TTC34: variants seen among roughly 807,000 people sequenced by gnomAD.
TTC34 encodes tetratricopeptide repeat domain 34, also known as tetratricopeptide repeat protein 34.
Under a neutral mutation model 40.7 loss-of-function variants are expected in TTC34, and 44 were observed. The ratio of observed to expected loss-of-function variants is 1.08; its 90% CI spans 0.85 to 1.39. The LOEUF is 1.39. TTC34 is among the 40% of genes most tolerant of loss of function. The pLI is 0.00. For synonymous variants in TTC34, 422 were observed against 398.6 expected, an observed-to-expected ratio of 1.06 and a Z score of -0.70; for missense variants, 884 against 838.0, an observed-to-expected ratio of 1.05 and a Z score of -0.68.
intron 6 of TTC34, among the ~76,000 whole-genome samples, chr1:2,655,770 C>CT (rs1639322657): frequency 6.8e-6 from 1 of 147,482 alleles, no homozygotes; most frequent in African/African-American, 2.4e-5. Context: ...GAACGGCACC[C>CT]ACACACCCAG....
At chr1:2,648,881 A>C (rs578202350) in intron 6 of TTC34, among the ~76,000 whole-genome samples, 1 of 129,666 alleles carries the variant, frequency 7.7e-6, no homozygotes, top group Non-Finnish European at 1.6e-5. Flanking sequence ...AACCCTACAC[A>C]CCCAGCTGAG....
At chr1:2,686,122 CG>C (rs1640332495) in intron 6 of TTC34, among the ~76,000 whole-genome samples, 1 of 133,274 alleles carries the variant, frequency 7.5e-6, no homozygotes, top group Non-Finnish European at 1.6e-5. Context: ...CACCCACACC[CG>C]CAGGTGAGCA....
chr1:2,765,735 A>T (rs1466132766), intron 6 of TTC34, among the ~76,000 whole-genome samples: 5 of 48,636 alleles, frequency 1.0e-4, no homozygotes, highest in Admixed American at 2.2e-4. Flanking sequence ...AGCATCTGAC[A>T]GCCTGGAGCA....
chr1:2,687,219 C>G (rs1171116686), intron 6 of TTC34, among the ~76,000 whole-genome samples: 3 of 137,446 alleles, frequency 2.2e-5, no homozygotes, highest in Admixed American at 2.1e-4. Flanking sequence ...CGGCGAGCAT[C>G]CGACAGCCTG....
chr1:2,788,332 T>C (rs1643619097), intron 3 of TTC34, among the ~76,000 whole-genome samples: 1 of 151,616 alleles, frequency 6.6e-6, no homozygotes, highest in Non-Finnish European at 1.5e-5. Context: ...ATGTGTGTTA[T>C]GTACATGTGT....
chr1:2,688,752 G>A (rs576046310), intron 6 of TTC34, among the ~76,000 whole-genome samples: 11 of 111,540 alleles, frequency 9.9e-5, no homozygotes, highest in South Asian at 3.0e-4. Flanking sequence ...GGATCTGACC[G>A]CCTGGAACAG....
chr1:2,760,209 C>G (rs1438424524), intron 6 of TTC34, among the ~76,000 whole-genome samples: 1 of 99,690 alleles, frequency 1.0e-5, no homozygotes, highest in Non-Finnish European at 1.9e-5. Context: ...TACCCCAAGG[C>G]GAGCATCTGA....
At chr1:2,760,354 CA>C (rs2100460425) in intron 6 of TTC34, among the ~76,000 whole-genome samples, 2 of 42,558 alleles carry the variant, frequency 4.7e-5, no homozygotes, top group Admixed American at 2.3e-4. Context: ...CCTGGAACAG[CA>C]CCCCACACCC....
At chr1:2,753,938 A>C (rs1194596650) in intron 6 of TTC34, among the ~76,000 whole-genome samples, 27 of 19,224 alleles carry the variant, frequency 1.4e-3, no homozygotes, top group African/African-American at 3.3e-3. Context: ...GCACCCACAG[A>C]CCAAGGTGAG....
intron 6 of TTC34, among the ~76,000 whole-genome samples, chr1:2,684,142 A>T: frequency 6.6e-6 from 1 of 152,360 alleles, no homozygotes; most frequent in African/African-American, 2.4e-5. Context: ...GACAGACTGG[A>T]ACAGCAACCA....
intron 6 of TTC34, among the ~76,000 whole-genome samples, chr1:2,677,008 ACTC>A (rs1639929859): frequency 2.5e-5 from 1 of 39,396 alleles, no homozygotes; most frequent in South Asian, 7.7e-4. Context: ...AGCACCCACC[ACTC>A]CCAGGCCAGC....
At chr1:2,761,034 G>GA (rs1228012380) in intron 6 of TTC34, among the ~76,000 whole-genome samples, 1 of 72,850 alleles carries the variant, frequency 1.4e-5, no homozygotes, top group Non-Finnish European at 2.4e-5. Context: ...ACCTGGAGCA[G>GA]CACCCACAGT....
At chr1:2,686,479 ATG>A (rs1640354356) in intron 6 of TTC34, among the ~76,000 whole-genome samples, 1 of 104,478 alleles carries the variant, frequency 9.6e-6, no homozygotes, top group African/African-American at 4.7e-5. Context: ...CAGCACCCAC[ATG>A]CCCAGCTGAG....
intron 6 of TTC34, among the ~76,000 whole-genome samples, chr1:2,749,019 A>T (rs1641233228): frequency 2.6e-4 from 39 of 148,108 alleles, no homozygotes; most frequent in African/African-American, 9.9e-4. Flanking sequence ...TGAGCATCTG[A>T]CAGCCTGGAA....
chr1:2,751,670 C>G (rs1368059713), intron 6 of TTC34, among the ~76,000 whole-genome samples: 117 of 81,098 alleles, frequency 1.4e-3, no homozygotes, highest in Non-Finnish European at 2.4e-3. Flanking sequence ...ATTGGACAGC[C>G]TGGATCAGCA....
chr1:2,690,413 C>A (rs1640564223), intron 6 of TTC34, among the ~76,000 whole-genome samples: 3 of 147,964 alleles, frequency 2.0e-5, no homozygotes, highest in Non-Finnish European at 4.6e-5. Flanking sequence ...CGGAGCAGAA[C>A]CCAGAACCCC....
chr1:2,691,698 C>A (rs1273156954), intron 6 of TTC34, among the ~76,000 whole-genome samples: 1 of 93,300 alleles, frequency 1.1e-5, no homozygotes, highest in African/African-American at 3.5e-5. Flanking sequence ...GCAACAGCAC[C>A]CACATCCCCA....
At chr1:2,641,438 T>TCGGGGTCCACCAGGAGGC (rs1258843464) in exon 9 of TTC34, 2 of 1,535,186 alleles carry the variant, frequency 1.3e-6, no homozygotes, top group Admixed American at 3.9e-5. Flanking sequence ...GCCACGGTGG[T>TCGGGGTCCACCAGGAGGC]CGGGGTCCAC....
chr1:2,638,400 C>T (rs1638832489), exon 9 of TTC34: 1 of 152,238 alleles, frequency 6.6e-6, no homozygotes, highest in Non-Finnish European at 1.5e-5. Context: ...GGAAATGACT[C>T]TACCAGTTTA....
Sources: gnomAD v4.1 joint callset for allele counts (sites outside exome capture counted in the v4.1 genomes callset) on GRCh38, gnomAD v4.1.1 for gene constraint, MANE v1.5 for transcripts, NCBI Gene and HGNC (gene_info 2026-07-23, HGNC 2026-07-21) for gene names.